The following ARHGEF10 variants were observed in gnomAD, a reference collection of about 807,000 sequenced individuals.
ARHGEF10 encodes Rho guanine nucleotide exchange factor 10, also known as Rho guanine nucleotide exchange factor (GEF) 10.
ARHGEF10 carries 140 observed loss-of-function variants against 147.4 expected under a neutral mutation model. That is an observed-to-expected ratio of 0.95 (90% CI 0.83 to 1.09). The LOEUF (loss-of-function observed/expected upper bound fraction) is 1.09, where lower values mean the gene tolerates loss of function less well. ARHGEF10 is among the 50% of genes least tolerant of loss of function. The pLI is 0.00. For synonymous variants in ARHGEF10, 902 were observed against 695.8 expected (o/e 1.30, Z -4.67); for missense variants, 2,222 against 1,752.7 (o/e 1.27, Z -4.78).
At chr8:1,839,071 ACTGTCTGGTGTGGAAG>A (rs1296506960) in intron 1 of ARHGEF10, among the ~76,000 whole-genome samples, 17 of 136,756 alleles carry the variant, frequency 1.2e-4, no homozygotes, top group Middle Eastern at 8.4e-3. Flanking sequence ...CGATATGGGG[ACTGTCTGGTGTGGAAG>A]CTGTCTGGTG....
rs796141306 is a variant in ARHGEF10, at chr8:1,888,877, A to G, written c.1182+3170A>G. Among the ~76,000 whole-genome samples, 56 of 56,632 alleles carry G rather than the reference A, an allele frequency of 9.9e-4. 3 individuals are homozygous for G. Among genetic ancestry groups the G allele is most frequent in the Middle Eastern group, 0.012 (1 of 82 alleles). 37.2% of individuals were successfully genotyped at this position (56,632 alleles called of 152,430 possible). ...GTGAGGAGACACTGAGTGGGGTGAGAGTTATGAGGAGACACTGAGTTGGGT... is the reference window on the plus strand; with the variant it reads ...GTGAGGAGACACTGAGTGGGGTGAGGGTTATGAGGAGACACTGAGTTGGGT... On this transcript the variant is annotated intron_variant, in intron 11 of 28. Coordinates refer to ENST00000349830, the MANE Select transcript of ARHGEF10 (RefSeq NM_014629.4).
At chr8:1,939,576 C>A (rs372456952) in intron 26 of ARHGEF10, among the ~76,000 whole-genome samples, 3 of 152,256 alleles carry the variant, frequency 2.0e-5, no homozygotes, top group Non-Finnish European at 4.4e-5. Flanking sequence ...GCCAAGCATG[C>A]GTCCCTGCAG....
At chr8:1,882,500 C>G (rs756343814) in intron 9 of ARHGEF10, 135 bp from the exon 10 acceptor site, 1 of 791,928 alleles carries the variant, frequency 1.3e-6, no homozygotes, top group Non-Finnish European at 2.2e-6. Flanking sequence ...AAAACAAAAC[C>G]TAGCCCAGAA....
intron 10 of ARHGEF10, 101 bp downstream of exon 10, chr8:1,882,850 C>T (rs1808335020): frequency 3.0e-6 from 3 of 988,648 alleles, no homozygotes; most frequent in Non-Finnish European, 4.7e-6. Flanking sequence ...GCGCAGGCTC[C>T]CACAGCCTTA....
rs550605187 is a variant in ARHGEF10, at chr8:1,888,470, T to G, written c.1182+2763T>G. ...GAGGCACTGAGTGGGGTGAGGGGTA[T>G]TGAGGAGACACTGAGTGGGGTAAGA... On this transcript the variant is annotated intron_variant, in intron 11 of 28. Transcript: ENST00000349830. 9.5e-3 allele frequency among the ~76,000 whole-genome samples: 822 copies of G among 86,342 alleles called. 37 individuals are homozygous for G. Among genetic ancestry groups the G allele is most frequent in the African/African-American group, 0.04 (758 of 18,740 alleles). The allele number at this position is 86,342 out of a possible 152,430, so 56.6% of individuals were successfully genotyped here.
At chr8:1,865,422 C>T (rs543229372) in intron 5 of ARHGEF10, among the ~76,000 whole-genome samples, 6 of 151,570 alleles carry the variant, frequency 4.0e-5, no homozygotes, top group African/African-American at 1.5e-4. Flanking sequence ...CATGGGGCAT[C>T]CCCCAGCACC....
rs1803777313 is a variant in ARHGEF10, at chr8:1,839,164, G to GAAACTGTCTGGTGT, written c.-47-4189_-47-4188insAAACTGTCTGGTGT. On this transcript the variant is annotated intron_variant, in intron 1 of 28. Coordinates refer to ENST00000349830, the MANE Select transcript of ARHGEF10 (RefSeq NM_014629.4). ...TCTGGTATGGGGACTGTCCGGTGTG[G>GAAACTGTCTGGTGT]GGACAGTCTGGTGTGGGGACTGTCT... 2.8e-4 allele frequency among the ~76,000 whole-genome samples: 38 copies of GAAACTGTCTGGTGT among 137,582 alleles called. 6 individuals are homozygous for GAAACTGTCTGGTGT. The highest frequency in any genetic ancestry group is 6.8e-4 in the East Asian group (3 of 4,394). The allele number at this position is 137,582 out of a possible 152,430, so 90.3% of individuals were successfully genotyped here. A position where few individuals can be genotyped will look rare whatever the true frequency, so the allele number is the denominator to read the frequency against.
At chr8:1,844,978 A>G (rs552442988) in intron 2 of ARHGEF10, among the ~76,000 whole-genome samples, 320 of 152,262 alleles carry the variant, frequency 2.1e-3, no homozygotes, top group Non-Finnish European at 3.6e-3. Flanking sequence ...AAAAATAATG[A>G]TATGATAATA....
intron 1 of ARHGEF10, among the ~76,000 whole-genome samples, chr8:1,841,665 C>G (rs1007778787): frequency 4.6e-5 from 7 of 151,956 alleles, no homozygotes; most frequent in African/African-American, 1.7e-4. Context: ...GAAAGGGCTC[C>G]CATCCCTCAA....
intron 7 of ARHGEF10, among the ~76,000 whole-genome samples, chr8:1,871,663 C>CAA (rs1357550280): frequency 5.9e-5 from 9 of 152,042 alleles, no homozygotes; most frequent in Admixed American, 2.6e-4. Context: ...ACTAAAAGTA[C>CAA]AAAAATTAGC....
chr8:1,922,813 A>G (rs1217647615), intron 18 of ARHGEF10, 151 bp from the exon 19 acceptor site: 1 of 629,508 alleles, frequency 1.6e-6, no homozygotes, highest in East Asian at 2.7e-5. Context: ...AAAAACCACT[A>G]AATGCTTGAA....
At chr8:1,908,227 A>ATTTTTTTTTTTTTT (rs11288174) in intron 17 of ARHGEF10, among the ~76,000 whole-genome samples, 3 of 110,048 alleles carry the variant, frequency 2.7e-5, no homozygotes, top group African/African-American at 7.5e-5. Flanking sequence ...CCACACTTTG[A>ATTTTTTTTTTTTTT]TTTTTTTTTT....
At position 1,909,468 on chromosome 8, in the gene ARHGEF10, C is replaced by T. The variant is rs1440652792; in HGVS notation, c.2141C>T (p.Pro714Leu). The T allele has an allele frequency of 6.2e-7, 1 of 1,613,974 alleles. No homozygotes were observed. Among genetic ancestry groups the T allele is most frequent in the Admixed American group, 1.7e-5 (1 of 60,020 alleles). Residue 714 changes from proline (P) to leucine (L), a missense_variant and splice_region_variant, in exon 18 of 29, where the codon CCA becomes CTA. Coordinates refer to ENST00000349830, the MANE Select transcript of ARHGEF10 (RefSeq NM_014629.4). Reference sequence around the variant, plus strand: ...CTGGCCGTGGTTGCTAACGCGAAACCAAGTAAGTGATGCTTTCTCTCACGT... The same window carrying T: ...CTGGCCGTGGTTGCTAACGCGAAACTAAGTAAGTGATGCTTTCTCTCACGT... Reference protein sequence around the residue: ...ESLAVVANAKPNKVYMGPGQL... With the variant: ...ESLAVVANAKLNKVYMGPGQL...
At chr8:1,871,439 A>T (rs1807116027) in intron 7 of ARHGEF10, among the ~76,000 whole-genome samples, 1 of 152,214 alleles carries the variant, frequency 6.6e-6, no homozygotes, top group African/African-American at 2.4e-5. Context: ...AAATGAAAAT[A>T]TTTTGTCTTG....
At chr8:1,862,351 A>G (rs1268112655) in intron 4 of ARHGEF10, among the ~76,000 whole-genome samples, 1 of 152,248 alleles carries the variant, frequency 6.6e-6, no homozygotes, top group Non-Finnish European at 1.5e-5. Flanking sequence ...AACTGGGATG[A>G]CCAGATTCCG....
At chr8:1,916,165 C>T (rs767949309) in intron 18 of ARHGEF10, among the ~76,000 whole-genome samples, 45 of 152,058 alleles carry the variant, frequency 3.0e-4, no homozygotes, top group Admixed American at 3.9e-4. Context: ...AAGGTGCACA[C>T]GCAGGACGGC....
intron 1 of ARHGEF10, among the ~76,000 whole-genome samples, chr8:1,835,425 A>G (rs963724851): frequency 6.6e-5 from 10 of 151,938 alleles, no homozygotes; most frequent in Non-Finnish European, 1.5e-4. Context: ...GCTGGGGCAG[A>G]TGCAGACAGG....
intron 14 of ARHGEF10, among the ~76,000 whole-genome samples, chr8:1,898,030 C>T (rs1043184817): frequency 3.3e-5 from 5 of 152,192 alleles, no homozygotes; most frequent in African/African-American, 9.7e-5. Context: ...GGCCCCACTG[C>T]ACATCCCTGA....
chr8:1,939,817 G>T (rs535446250), intron 26 of ARHGEF10, among the ~76,000 whole-genome samples: 1 of 152,220 alleles, frequency 6.6e-6, no homozygotes, highest in African/African-American at 2.4e-5. Context: ...CCCGGGGACT[G>T]GGGGGAAGCA....
Sources: allele counts gnomAD v4.1 joint callset (sites outside exome capture counted in the v4.1 genomes callset), GRCh38; gene constraint gnomAD v4.1.1; transcripts MANE v1.5; gene names NCBI Gene and HGNC (gene_info 2026-07-23, HGNC 2026-07-21).